The following AMDHD2 variants were observed in gnomAD, a reference collection of about 807,000 sequenced individuals.
AMDHD2 encodes N-acetylglucosamine-6-phosphate deacetylase.
AMDHD2 carries 24 observed loss-of-function variants against 41.8 expected under a neutral mutation model. The observed-to-expected ratio is 0.57, with a 90% confidence interval of 0.42 to 0.81. The LOEUF (loss-of-function observed/expected upper bound fraction) is 0.81. Ranked by LOEUF, AMDHD2 falls within the 30% of genes least tolerant of loss-of-function variation. The pLI is 0.00. For missense variants in AMDHD2, 540 were observed against 588.5 expected (o/e 0.92, Z 0.85); for synonymous variants, 332 against 255.5 (o/e 1.30, Z -2.85).
In AMDHD2 at chr16:2,520,763, C is replaced by T. The variant is rs767787275; in HGVS notation, c.84-6C>T. On this transcript the variant is annotated splice_region_variant and splice_polypyrimidine_tract_variant and intron_variant, in intron 1 of 10. Coordinates refer to ENST00000293971, the MANE Select transcript of AMDHD2 (RefSeq NM_001330449.2). ...CGATGCGAGCGCCCACCCACTGCGT[C>T]CCCAGGGAGGATCTGTGGGTGCGCG... 7.0e-6 allele frequency: 11 copies of T among 1,581,992 alleles called. No individual in the cohort carries two copies. In the South Asian group the frequency reaches 9.0e-5, roughly 13 times the overall value.
In AMDHD2 at chr16:2,527,795, C is replaced by T; in HGVS notation, c.438C>T (p.Phe146=). ...GVLGLHLEGP[F]ISREKRGAHP... ...CAGGGCTGCACCTGGAGGGCCCCTT[C>T]ATCAGCCGGGAGAAGCGGGGCGCGC... Residue 146 remains phenylalanine, a synonymous_variant, in exon 5 of 11, where the codon TTC becomes TTT. Transcript: ENST00000293971. The surrounding 1 kb of genome is among the most constrained non-coding windows in gnomAD (Gnocchi z 6.1). 5 of 1,582,962 alleles carry T rather than the reference C, an allele frequency of 3.2e-6. No homozygotes were observed. The highest frequency in any genetic ancestry group is 4.3e-6 in the Non-Finnish European group (5 of 1,168,862).
chr16:2,529,365 G>A lies in AMDHD2; in HGVS notation c.1142-110G>A, dbSNP rs77309966. 6,333 of 1,522,458 alleles carry A rather than the reference G, an allele frequency of 4.2e-3. 240 individuals are homozygous for A. The African/African-American group carries it at 0.075, about 18-fold the overall frequency. 94.3% of individuals were successfully genotyped at this position (1,522,458 alleles called of 1,614,324 possible). On this transcript the variant is annotated intron_variant, in intron 10 of 10. Transcript: ENST00000293971. ...TGGGTCAGGGTGTCTTGCACTAGTCGTGTCCCTGGGCCTCAGTTTCCCCAC... is the reference window on the plus strand; with the variant it reads ...TGGGTCAGGGTGTCTTGCACTAGTCATGTCCCTGGGCCTCAGTTTCCCCAC...
intron 10 of AMDHD2, 179 bp from the exon 11 acceptor site, chr16:2,529,296 A>C: frequency 1.8e-6 from 2 of 1,112,202 alleles, no homozygotes; most frequent in East Asian, 5.1e-5. Context: ...AGGCCAGGCA[A>C]GGGGTTGCAG....
In AMDHD2 at chr16:2,521,077, C is replaced by T. The variant is rs138071443; in HGVS notation, c.314C>T (p.Ser105Phe). The change falls in exon 3 of 11, where the codon TCC (serine) becomes TTC (phenylalanine). Residue 105 changes from serine to phenylalanine, a missense_variant. Coordinates refer to ENST00000293971, the MANE Select transcript of AMDHD2 (RefSeq NM_001330449.2). ...ARRILSHGVT[S>F]FCPTLVTSPP... ...AGGATCCTGTCGCACGGCGTCACCTCCTTCTGCCCCACCCTGGTCACTTCC... is the reference window on the plus strand; with the variant it reads ...AGGATCCTGTCGCACGGCGTCACCTTCTTCTGCCCCACCCTGGTCACTTCC... 5.0e-6 allele frequency: 8 copies of T among 1,610,974 alleles called. No homozygotes were observed. The highest frequency in any genetic ancestry group is 1.1e-5 in the South Asian group (1 of 90,492).
intron 3 of AMDHD2, among the ~76,000 whole-genome samples, 172 bp downstream of exon 3, chr16:2,521,295 G>C (rs1417454005): frequency 6.7e-6 from 1 of 149,394 alleles, no homozygotes. Flanking sequence ...TTCTTTATCA[G>C]TTGTCGCTCT....
Position 2,528,384 on chromosome 16 carries a change from A to G in AMDHD2, c.862+4A>G, listed in dbSNP as rs1294246993. On this transcript the variant is annotated splice_donor_region_variant and intron_variant, in intron 7 of 10. Transcript: ENST00000293971. Reference sequence around the variant, plus strand: ...GCCCACCGTGCCCATCCCCAGGGTAAGCTGCGGCAGGTGGCCAGGACAGGT... The same window carrying G: ...GCCCACCGTGCCCATCCCCAGGGTAGGCTGCGGCAGGTGGCCAGGACAGGT... The G allele has an allele frequency of 1.2e-6, 2 of 1,612,778 alleles. No individual in the cohort carries two copies. The highest frequency in any genetic ancestry group is 1.3e-5 in the African/African-American group (1 of 74,916).
intron 5 of AMDHD2, 33 bp from the exon 6 acceptor site, chr16:2,528,027 G>A: frequency 1.2e-6 from 2 of 1,611,302 alleles, no homozygotes; most frequent in Non-Finnish European, 1.7e-6. Flanking sequence ...GGGGACCTGG[G>A]CCAGGTGCAA....
Position 2,527,784 on chromosome 16 carries a change from G to C in AMDHD2, c.427G>C (p.Glu143Gln), listed in dbSNP as rs1227014336. The C allele has an allele frequency of 1.9e-6, 3 of 1,578,788 alleles. No individual in the cohort carries two copies. The highest frequency in any genetic ancestry group is 2.6e-6 in the Non-Finnish European group (3 of 1,166,314). Residue 143 changes from glutamate to glutamine, a missense_variant, in exon 5 of 11, where the codon GAG (glutamate) becomes CAG (glutamine). By Grantham distance (29) the Glu-to-Gln change is conservative. Transcript: ENST00000293971. The surrounding 1 kb of genome is among the most constrained non-coding windows in gnomAD (Gnocchi z 6.1). Reference sequence around the variant, plus strand: ...CTCCCTCCTCCCAGGGCTGCACCTGGAGGGCCCCTTCATCAGCCGGGAGAA... The same window carrying C: ...CTCCCTCCTCCCAGGGCTGCACCTGCAGGGCCCCTTCATCAGCCGGGAGAA... The part of the protein sequence containing the change: ...HGAGVLGLHL[E>Q]GPFISREKRG...
intron 3 of AMDHD2, among the ~76,000 whole-genome samples, chr16:2,523,173 T>A (rs2065963565): frequency 6.6e-6 from 1 of 152,160 alleles, no homozygotes; most frequent in Non-Finnish European, 1.5e-5. Flanking sequence ...ATAATGAATA[T>A]TTTCTTATGG....
chr16:2,521,804 G>C (rs1408031336), intron 3 of AMDHD2, among the ~76,000 whole-genome samples: 1 of 100,184 alleles, frequency 1.0e-5, no homozygotes, highest in Non-Finnish European at 1.9e-5. Flanking sequence ...TTTTTTTTGA[G>C]ACGGAGTCTC....
chr16:2,527,425 T>G lies in AMDHD2; in HGVS notation c.361-136T>G. On this transcript the variant is annotated intron_variant, in intron 3 of 10. Transcript: ENST00000293971. This position sits in a 1 kb window ranked among gnomAD's most constrained non-coding sequence, Gnocchi z 6.1. ...TGCCGGCTGTGCTTTCCCTGACCCC[T>G]GTGAGGGGACAGGCGGCCGGGGCTG... 1 of 876,308 alleles carries G rather than the reference T, an allele frequency of 1.1e-6. No individual in the cohort carries two copies. Among genetic ancestry groups the G allele is most frequent in the Non-Finnish European group, 1.8e-6 (1 of 551,520 alleles). The allele number at this position is 876,308 out of a possible 1,614,324, so 54.3% of individuals were successfully genotyped here.
In AMDHD2 at chr16:2,520,382, C is replaced by G. The variant is rs1345931191; in HGVS notation, c.-77C>G. 9 of 1,157,496 alleles carry G rather than the reference C, an allele frequency of 7.8e-6. No individual in the cohort carries two copies. Among genetic ancestry groups the G allele is most frequent in the African/African-American group, 3.2e-5 (2 of 62,316 alleles). The allele number at this position is 1,157,496 out of a possible 1,614,324, so 71.7% of individuals were successfully genotyped here. ...GTCACGTGGGCGCGGTCTCAGCTCT[C>G]GGCTGGGGTTCGTCACTGGGCGCGG... On this transcript the variant is annotated 5_prime_UTR_variant, in exon 1 of 11. Coordinates refer to ENST00000293971, the MANE Select transcript of AMDHD2 (RefSeq NM_001330449.2).
intron 3 of AMDHD2, among the ~76,000 whole-genome samples, chr16:2,522,946 C>G (rs1011356432): frequency 2.0e-5 from 3 of 150,938 alleles, no homozygotes; most frequent in African/African-American, 7.3e-5. Flanking sequence ...TGGGTTCAAG[C>G]GATTCTCCTG....
chr16:2,527,544 C>T lies in AMDHD2; in HGVS notation c.361-17C>T, dbSNP rs1446481950. 6.2e-7 allele frequency: 1 copy of T among 1,610,116 alleles called. No individual in the cohort carries two copies. The highest frequency in any genetic ancestry group is 1.3e-5 in the African/African-American group (1 of 75,010). ...TGGGCTGTGGGGGACAGGGCTTTAA[C>T]AGCTGGTTCCCCCCAGGTTGTTCCT... On this transcript the variant is annotated splice_polypyrimidine_tract_variant and intron_variant, in intron 3 of 10. Coordinates refer to ENST00000293971, the MANE Select transcript of AMDHD2 (RefSeq NM_001330449.2). The surrounding 1 kb of genome is among the most constrained non-coding windows in gnomAD (Gnocchi z 6.1).
intron 3 of AMDHD2, among the ~76,000 whole-genome samples, chr16:2,524,468 G>C (rs192260981): frequency 6.6e-6 from 1 of 152,340 alleles, no homozygotes; most frequent in East Asian, 1.9e-4. Context: ...CCTGCCTGGA[G>C]TGTGCCTCAC....
Position 2,530,070 on chromosome 16 carries a change from A to G in AMDHD2, c.*507A>G, listed in dbSNP as rs1015426405. The G allele has an allele frequency of 6.7e-6, 6 of 900,478 alleles. No homozygotes were observed. In the African/African-American group the frequency reaches 8.4e-5, roughly 13 times the overall value. The allele number at this position is 900,478 out of a possible 1,614,324, so 55.8% of individuals were successfully genotyped here. A position where few individuals can be genotyped will look rare whatever the true frequency, so the allele number is the denominator to read the frequency against. The stretch of plus-strand genomic sequence containing the variant: ...TTTCTGCTCCTGAGTTGGGGTGTGC[A>G]GCGTGGAGCCCACAGCCTGGTTCTG... On this transcript the variant is annotated 3_prime_UTR_variant, in exon 11 of 11. Transcript: ENST00000293971.
At chr16:2,524,982 T>C (rs1393241444) in intron 3 of AMDHD2, among the ~76,000 whole-genome samples, 3 of 151,470 alleles carry the variant, frequency 2.0e-5, no homozygotes, top group Admixed American at 6.6e-5. Context: ...TTGCCGTGAG[T>C]GTTCTTTGCT....
rs1386239243 is a variant in AMDHD2 at position 2,530,975 on chromosome 16, C to T, written c.*1412C>T. On this transcript the variant is annotated 3_prime_UTR_variant, in exon 11 of 11. Coordinates refer to ENST00000293971, the MANE Select transcript of AMDHD2 (RefSeq NM_001330449.2). The stretch of plus-strand genomic sequence containing the variant: ...GGAGAGGAGCTGTCTTGCCAGGGCT[C>T]CCAGGCAGGGAGAGGCAGGTGAGGT... 1.5e-5 allele frequency: 24 copies of T among 1,613,386 alleles called. No individual in the cohort carries two copies. Among genetic ancestry groups the T allele is most frequent in the Non-Finnish European group, 1.9e-5 (23 of 1,179,916 alleles).
At chr16:2,528,818 A>C in intron 9 of AMDHD2, 100 bp downstream of exon 9, 1 of 1,572,086 alleles carries the variant, frequency 6.4e-7, no homozygotes, top group Admixed American at 2.0e-5. Flanking sequence ...CTCTGCCCAC[A>C]GGAGCTCCTG....
Sources: allele counts gnomAD v4.1 joint callset (sites outside exome capture counted in the v4.1 genomes callset), GRCh38; gene constraint gnomAD v4.1.1; non-coding constraint Gnocchi (gnomAD v3.1); transcripts MANE v1.5; gene names NCBI Gene and HGNC (gene_info 2026-07-23, HGNC 2026-07-21).